The following USP43 variants were observed in gnomAD, a reference collection of about 807,000 sequenced individuals.
The protein encoded by USP43 is ubiquitin carboxyl-terminal hydrolase 43.
USP43 carries 33 observed loss-of-function variants against 90.7 expected under a neutral mutation model. The ratio of observed to expected loss-of-function variants is 0.36; its 90% confidence interval spans 0.28 to 0.49. The LOEUF (loss-of-function observed/expected upper bound fraction) is 0.49. Among genes scored for constraint, USP43 ranks in the 20% least tolerant of loss-of-function variants. USP43 has a pLI of 0.98. For missense variants in USP43, 1,274 were observed against 1,476.4 expected (o/e 0.86, Z 2.25); for synonymous variants, 598 against 615.8 (o/e 0.97, Z 0.43).
intron 2 of USP43, among the ~76,000 whole-genome samples, chr17:9,658,243 C>T (rs773464505): frequency 6.6e-6 from 1 of 152,182 alleles, no homozygotes; most frequent in South Asian, 2.1e-4. Context: ...GTCATTCTAG[C>T]GTAATAAAGA....
chr17:9,648,938 C>CCTCT (rs112759856), intron 1 of USP43, among the ~76,000 whole-genome samples: 333 of 129,890 alleles, frequency 2.6e-3, no homozygotes, highest in Non-Finnish European at 3.7e-3. Flanking sequence ...TGTCTCTCTC[C>CCTCT]CTCTCTCTCT....
At chr17:9,689,171 A>G (rs1454205351) in intron 8 of USP43, among the ~76,000 whole-genome samples, 10 of 152,160 alleles carry the variant, frequency 6.6e-5, no homozygotes, top group Admixed American at 1.3e-4. Context: ...TAGCCAACCC[A>G]TTTAACCCAT....
intron 1 of USP43, among the ~76,000 whole-genome samples, chr17:9,655,270 C>T (rs764398965): frequency 1.3e-5 from 2 of 152,126 alleles, no homozygotes; most frequent in African/African-American, 4.8e-5. Flanking sequence ...ACGGCCATCA[C>T]GTGCTGTGTG....
chr17:9,702,289 G>A (rs916667240), intron 12 of USP43, among the ~76,000 whole-genome samples: 3 of 152,160 alleles, frequency 2.0e-5, no homozygotes, highest in South Asian at 2.1e-4. Context: ...GGCTGAGGCC[G>A]TGGTGAACCA....
At chr17:9,697,066 A>C (rs1669392777) in intron 9 of USP43, among the ~76,000 whole-genome samples, 2 of 152,086 alleles carry the variant, frequency 1.3e-5, no homozygotes, top group Non-Finnish European at 2.9e-5. Flanking sequence ...AAAATACAAA[A>C]ATTAGCCAGG....
chr17:9,704,455 G>A lies in USP43; in HGVS notation c.2011+2755G>A, dbSNP rs1181546988. Reference sequence around the variant, plus strand: ...GTACTTGGGACTCAGGGCTGGCCACGGTGGTGCTCGCCACCACGCCTGGCT... The same window carrying A: ...GTACTTGGGACTCAGGGCTGGCCACAGTGGTGCTCGCCACCACGCCTGGCT... On this transcript the variant is annotated intron_variant, in intron 12 of 14. Coordinates refer to ENST00000285199, the MANE Select transcript of USP43 (RefSeq NM_153210.5). Among the ~76,000 whole-genome samples the A allele has an allele frequency of 2.6e-5, 4 of 152,008 alleles. No individual in the cohort carries two copies. The South Asian group carries it at 6.2e-4, about 24-fold the overall frequency.
intron 14 of USP43, among the ~76,000 whole-genome samples, chr17:9,715,390 C>T (rs1157884319): frequency 6.6e-6 from 1 of 152,088 alleles, no homozygotes; most frequent in Admixed American, 6.6e-5. Context: ...GAAGTTAGGG[C>T]TGCAGTGAGC....
chr17:9,728,184 A>T lies in USP43; in HGVS notation c.2566A>T (p.Thr856Ser), dbSNP rs1718774131. Residue 856 changes from threonine to serine, a missense_variant, in exon 15 of 15, where the codon ACT (threonine) becomes TCT (serine). Physicochemically the swap from Thr to Ser is moderately conservative, Grantham distance 58. This residue lies in a region of USP43 where 285 missense variants were observed against 349.6 expected (regional missense o/e 0.82). Coordinates refer to ENST00000285199, the MANE Select transcript of USP43 (RefSeq NM_153210.5). The surrounding 1 kb of genome is among the most constrained non-coding windows in gnomAD (Gnocchi z 6.2). ...GTCCATTGTGTCGCTGTTGACGGGCACTGCGGGTGAGGATGAGAAGTCAGC... is the reference window on the plus strand; with the variant it reads ...GTCCATTGTGTCGCTGTTGACGGGCTCTGCGGGTGAGGATGAGAAGTCAGC... ...SQSIVSLLTGTAGEDEKSASP... is the reference protein window; with the variant it reads ...SQSIVSLLTGSAGEDEKSASP... The T allele has an allele frequency of 6.2e-7, 1 of 1,613,812 alleles. No homozygotes were observed. Among genetic ancestry groups the T allele is most frequent in the South Asian group, 1.1e-5 (1 of 91,072 alleles).
intron 14 of USP43, among the ~76,000 whole-genome samples, chr17:9,723,360 C>T (rs1424878366): frequency 1.3e-5 from 2 of 152,002 alleles, no homozygotes; most frequent in East Asian, 3.9e-4. Flanking sequence ...CAGACTCAGG[C>T]CTGTCTTTAG....
intron 4 of USP43, among the ~76,000 whole-genome samples, chr17:9,675,616 TC>T (rs1231573591): frequency 6.6e-5 from 10 of 152,012 alleles, no homozygotes; most frequent in African/African-American, 2.4e-4. Flanking sequence ...CTCTTTATGT[TC>T]CCCACCTCCT....
chr17:9,697,925 T>C (rs996526259), intron 9 of USP43, among the ~76,000 whole-genome samples: 1 of 152,192 alleles, frequency 6.6e-6, no homozygotes, highest in Non-Finnish European at 1.5e-5. Flanking sequence ...CTTTTTTCCA[T>C]AGGAGTTGAA....
At chr17:9,646,682 T>C (rs1911426777) in intron 1 of USP43, among the ~76,000 whole-genome samples, 3 of 151,916 alleles carry the variant, frequency 2.0e-5, no homozygotes, top group African/African-American at 7.3e-5. Context: ...CGTTGGAGCT[T>C]AGGAGGCAGA....
rs778370139 is a variant in USP43 at position 9,646,029 on chromosome 17, C to A, written c.397C>A (p.Arg133Ser). The A allele has an allele frequency of 1.3e-6, 2 of 1,488,868 alleles. No homozygotes were observed. The highest frequency in any genetic ancestry group is 2.6e-5 in the South Asian group (2 of 77,060). 92.2% of individuals were successfully genotyped at this position (1,488,868 alleles called of 1,614,324 possible). A position where few individuals can be genotyped will look rare whatever the true frequency, so the allele number is the denominator to read the frequency against. ...DLLAEFLALG[R>S]YRAAPGRAEV... is the part of the protein sequence containing the mutation. Reference sequence around the variant, plus strand: ...GCTGGCCGAGTTCCTGGCGCTGGGGCGCTACCGGGCGGCTCCGGGCCGCGC... The same window carrying A: ...GCTGGCCGAGTTCCTGGCGCTGGGGAGCTACCGGGCGGCTCCGGGCCGCGC... Residue 133 changes from arginine (R) to serine (S), a missense_variant, in exon 1 of 15, where the codon CGC becomes AGC. By Grantham distance (110) the Arg-to-Ser change is moderately radical. Transcript: ENST00000285199.
At chr17:9,719,206 T>C (rs1916786943) in intron 14 of USP43, among the ~76,000 whole-genome samples, 1 of 152,180 alleles carries the variant, frequency 6.6e-6, no homozygotes, top group African/African-American at 2.4e-5. Flanking sequence ...TATGATAAGC[T>C]CAAAAGTTCA....
chr17:9,716,209 T>G (rs1264474485), intron 14 of USP43, among the ~76,000 whole-genome samples: 5 of 152,148 alleles, frequency 3.3e-5, no homozygotes, highest in Non-Finnish European at 7.4e-5. Context: ...TCTTGTTAGG[T>G]CCTAACTTAG....
intron 8 of USP43, 148 bp from the exon 9 acceptor site, chr17:9,692,977 CTT>C (rs1915046540): frequency 7.3e-6 from 5 of 685,914 alleles, no homozygotes; most frequent in Middle Eastern, 8.3e-4. Context: ...GTTTTTGTCT[CTT>C]AATTTTGAAT....
At chr17:9,725,132 G>A (rs2152003648) in intron 14 of USP43, among the ~76,000 whole-genome samples, 1 of 152,340 alleles carries the variant, frequency 6.6e-6, no homozygotes, top group African/African-American at 2.4e-5. Context: ...TGGAGGGGGT[G>A]TCAGGGGACT....
Position 9,678,027 on chromosome 17 carries a change from A to T in USP43, c.969+1146A>T, listed in dbSNP as rs1913902061. ...TCTTGCTTTGTAAACTTTAAAGTGC[A>T]CTATGGGGAGTTACTGAAAGAGACG... On this transcript the variant is annotated intron_variant, in intron 5 of 14. Coordinates refer to ENST00000285199, the MANE Select transcript of USP43 (RefSeq NM_153210.5). Among the ~76,000 whole-genome samples the T allele has an allele frequency of 2.0e-5, 3 of 152,274 alleles. No individual in the cohort carries two copies. The South Asian group carries it at 6.2e-4, about 32-fold the overall frequency.
At chr17:9,687,920 G>C (rs1168672383) in intron 8 of USP43, among the ~76,000 whole-genome samples, 1 of 152,210 alleles carries the variant, frequency 6.6e-6, no homozygotes, top group Non-Finnish European at 1.5e-5. Context: ...TATCCGGTGA[G>C]AGTTTTGCCT....
Sources: gnomAD v4.1 joint callset for allele counts (sites outside exome capture counted in the v4.1 genomes callset) on GRCh38, gnomAD v4.1.1 for gene constraint, gnomAD v4.1.1 regional missense constraint, Gnocchi (gnomAD v3.1) non-coding constraint, MANE v1.5 for transcripts, NCBI Gene and HGNC (gene_info 2026-07-23, HGNC 2026-07-21) for gene names.